PRKN: variants seen among roughly 807,000 people sequenced by gnomAD.
PRKN encodes parkin RBR E3 ubiquitin protein ligase.
Under a neutral mutation model 59.5 loss-of-function variants are expected in PRKN, and 56 were observed. The observed-to-expected ratio is 0.94, with a 90% CI of 0.76 to 1.18. The LOEUF is 1.18. PRKN is among the 50% of genes most tolerant of loss of function. PRKN has a pLI of 0.00. For missense variants in PRKN, 657 were observed against 596.4 expected (o/e 1.10, Z -1.06); for synonymous variants, 250 against 222.1 (o/e 1.13, Z -1.12).
intron 3 of PRKN, among the ~76,000 whole-genome samples, chr6:162,248,361 C>T (rs1339241088): frequency 1.3e-5 from 2 of 152,188 alleles, no homozygotes; most frequent in Admixed American, 6.6e-5. Context: ...GGTTATTTTA[C>T]ACTCGTCATT....
chr6:162,609,570 C>A (rs1782057032), intron 1 of PRKN, among the ~76,000 whole-genome samples: 1 of 152,162 alleles, frequency 6.6e-6, no homozygotes, highest in African/African-American at 2.4e-5. Context: ...GCATTGGCCT[C>A]AAACTGCCTT....
At chr6:161,438,269 T>C (rs1228609936) in intron 9 of PRKN, among the ~76,000 whole-genome samples, 2 of 142,366 alleles carry the variant, frequency 1.4e-5, no homozygotes, top group African/African-American at 2.7e-5. Context: ...CCAGGCTGGA[T>C]TGCAATGGCG....
chr6:162,352,156 G>A (rs1045066412), intron 2 of PRKN, among the ~76,000 whole-genome samples: 1 of 152,130 alleles, frequency 6.6e-6, no homozygotes, highest in African/African-American at 2.4e-5. Context: ...AGCACCGTAG[G>A]TCTCCCTGAA....
chr6:161,786,807 C>T lies in PRKN; in HGVS notation c.735-899G>A, dbSNP rs79370373. The stretch of plus-strand genomic sequence containing the variant: ...CAAGATTTTGTCTATTGTGCCATCT[C>T]GAAACCATCCAAATATTCAGTTTCT... On this transcript the variant is annotated intron_variant, in intron 6 of 11. Transcript: ENST00000366898. Among the ~76,000 whole-genome samples the T allele has an allele frequency of 8.5e-3, 1,299 of 152,076 alleles. 14 individuals are homozygous for T. The highest frequency in any genetic ancestry group is 0.029 in the African/African-American group (1,213 of 41,486).
At chr6:161,952,585 C>T (rs1477091141) in intron 6 of PRKN, among the ~76,000 whole-genome samples, 2 of 152,202 alleles carry the variant, frequency 1.3e-5, no homozygotes, top group Non-Finnish European at 2.9e-5. Context: ...CATCATTATA[C>T]TCAAGACTGG....
chr6:162,675,710 C>T (rs572390673), intron 1 of PRKN, among the ~76,000 whole-genome samples: 1 of 152,228 alleles, frequency 6.6e-6, no homozygotes, highest in East Asian at 1.9e-4. Context: ...CATCAATTCT[C>T]TAATTAATCT....
chr6:162,315,931 G>T (rs1782735918), intron 2 of PRKN, among the ~76,000 whole-genome samples: 1 of 152,024 alleles, frequency 6.6e-6, no homozygotes, highest in African/African-American at 2.4e-5. Flanking sequence ...ATTTCATTTT[G>T]GATGCTGTAA....
rs992286102 is a variant in PRKN, at chr6:161,547,046, C to T, written c.1083+1808G>A. On this transcript the variant is annotated intron_variant, in intron 9 of 11. Transcript: ENST00000366898. The surrounding 1 kb of genome is among the most constrained non-coding windows in gnomAD (Gnocchi z 4.0). Reference sequence around the variant, plus strand: ...CAGGAGGAACCCTGAGCCAGAACTACCCAGCAAAGCCACTCACGGGTGATT... The same window carrying T: ...CAGGAGGAACCCTGAGCCAGAACTATCCAGCAAAGCCACTCACGGGTGATT... Among the ~76,000 whole-genome samples, 1 of 152,108 alleles carries T rather than the reference C, an allele frequency of 6.6e-6. No homozygotes were observed. Among genetic ancestry groups the T allele is most frequent in the African/African-American group, 2.4e-5 (1 of 41,406 alleles).
rs867140687 is a variant in PRKN at position 161,548,769 on chromosome 6, A to C, written c.1083+85T>G. On this transcript the variant is annotated intron_variant, in intron 9 of 11. Coordinates refer to ENST00000366898, the MANE Select transcript of PRKN (RefSeq NM_004562.3). The surrounding 1 kb of genome is among the most constrained non-coding windows in gnomAD (Gnocchi z 4.2). The stretch of plus-strand genomic sequence containing the variant: ...GTCTAAGTCCAAAGGGAAAATGAAA[A>C]TAAAATAAAAATATAATCCCAGCCC... The C allele has an allele frequency of 1.3e-5, 16 of 1,274,022 alleles. No homozygotes were observed. The Middle Eastern group carries it at 2.1e-3, about 166-fold the overall frequency. 78.9% of individuals were successfully genotyped at this position (1,274,022 alleles called of 1,614,324 possible).
At chr6:162,466,350 T>C (rs576086237) in intron 1 of PRKN, among the ~76,000 whole-genome samples, 105 of 152,318 alleles carry the variant, frequency 6.9e-4, no homozygotes, top group African/African-American at 2.5e-3. Context: ...TTAATATTAA[T>C]CTATTCCCAG....
chr6:162,114,219 A>G (rs1222064698), intron 4 of PRKN, among the ~76,000 whole-genome samples: 1 of 152,080 alleles, frequency 6.6e-6, no homozygotes, highest in Non-Finnish European at 1.5e-5. Context: ...GTTCCATATG[A>G]ACTTTAAAGT....
intron 2 of PRKN, among the ~76,000 whole-genome samples, chr6:162,415,204 AT>A (rs755875930): frequency 1.7e-3 from 257 of 152,248 alleles, no homozygotes; most frequent in South Asian, 3.1e-3. Flanking sequence ...CTACGCAAAA[AT>A]AGCCAACTGG....
intron 2 of PRKN, among the ~76,000 whole-genome samples, chr6:162,439,340 TTCTCTCTCTCTCTC>T (rs35631679): frequency 3.0e-5 from 4 of 134,750 alleles, no homozygotes; most frequent in Non-Finnish European, 6.3e-5. Context: ...TACCCCTCCC[TTCTCTCTCTCTCTC>T]TCTCTCTCTC....
chr6:162,203,704 A>G (rs1376708629), intron 3 of PRKN, among the ~76,000 whole-genome samples: 1 of 152,180 alleles, frequency 6.6e-6, no homozygotes, highest in Non-Finnish European at 1.5e-5. Context: ...ATGACCTGAG[A>G]AACCTTTCTT....
At chr6:162,183,124 T>C (rs1271967386) in intron 4 of PRKN, among the ~76,000 whole-genome samples, 2 of 152,324 alleles carry the variant, frequency 1.3e-5, no homozygotes, top group Non-Finnish European at 2.9e-5. Flanking sequence ...TAAATTCCTG[T>C]CCAGAAGCAC....
chr6:162,684,613 T>G (rs1209444868), intron 1 of PRKN, among the ~76,000 whole-genome samples: 1 of 152,154 alleles, frequency 6.6e-6, no homozygotes, highest in Non-Finnish European at 1.5e-5. Context: ...TCTCGAAACT[T>G]CTGTTTCCTT....
intron 7 of PRKN, among the ~76,000 whole-genome samples, chr6:161,618,848 T>G (rs1427732656): frequency 2.0e-5 from 3 of 152,214 alleles, no homozygotes; most frequent in Admixed American, 6.5e-5. Flanking sequence ...TAATTAAAGA[T>G]ACTAAAAATG....
chr6:161,943,605 C>G (rs946810431), intron 6 of PRKN, among the ~76,000 whole-genome samples: 5 of 152,236 alleles, frequency 3.3e-5, no homozygotes, highest in Non-Finnish European at 5.9e-5. Context: ...CCAGCAGCCT[C>G]TAAGGAAGCA....
Position 161,545,863 on chromosome 6 carries a change from T to G in PRKN, c.1083+2991A>C, listed in dbSNP as rs1344481262. The stretch of plus-strand genomic sequence containing the variant: ...TCAGATCAGACTTGAATAGTCACCA[T>G]GGTTCCTTGTGGAAAAGTCTGTTGG... On this transcript the variant is annotated intron_variant, in intron 9 of 11. Coordinates refer to ENST00000366898, the MANE Select transcript of PRKN (RefSeq NM_004562.3). The surrounding 1 kb of genome is among the most constrained non-coding windows in gnomAD (Gnocchi z 4.1). Among the ~76,000 whole-genome samples, 2 of 152,232 alleles carry G rather than the reference T, an allele frequency of 1.3e-5. No homozygotes were observed. The highest frequency in any genetic ancestry group is 2.9e-5 in the Non-Finnish European group (2 of 68,036).
Sources: allele counts gnomAD v4.1 joint callset (sites outside exome capture counted in the v4.1 genomes callset), GRCh38; gene constraint gnomAD v4.1.1; non-coding constraint Gnocchi (gnomAD v3.1); transcripts MANE v1.5; gene names NCBI Gene and HGNC (gene_info 2026-07-23, HGNC 2026-07-21).